The following ROR1 variants were observed in gnomAD, a reference collection of about 807,000 sequenced individuals.
ROR1 encodes the protein inactive tyrosine-protein kinase transmembrane receptor ROR1.
Under a neutral mutation model 78.8 loss-of-function variants are expected in ROR1, and 19 were observed. The observed-to-expected ratio is 0.24, with a 90% confidence interval of 0.17 to 0.35. The LOEUF is 0.35. Among genes scored for constraint, ROR1 ranks in the 10% least tolerant of loss-of-function variants. ROR1 has a pLI of 1.00. For synonymous variants in ROR1, 386 were observed against 433.6 expected (o/e 0.89, Z 1.36); for missense variants, 917 against 1,177.8 (o/e 0.78, Z 3.24).
At chr1:64,109,850 A>G (rs1430503935) in intron 4 of ROR1, among the ~76,000 whole-genome samples, 2 of 151,922 alleles carry the variant, frequency 1.3e-5, no homozygotes, top group Non-Finnish European at 2.9e-5. Context: ...CTTTTATTAT[A>G]TGGTAGGGTG....
In ROR1 at chr1:63,952,340, A is replaced by G. The variant is rs550622845; in HGVS notation, c.92-56965A>G. 3.3e-5 allele frequency among the ~76,000 whole-genome samples: 5 copies of G among 152,314 alleles called. No individual in the cohort carries two copies. The East Asian group carries it at 7.7e-4, about 24-fold the overall frequency. ...TGAGAAAAGCAGAACTAGGTGATGGAGGACCTAGGTAAGGAATTTGGATTT... is the reference window on the plus strand; with the variant it reads ...TGAGAAAAGCAGAACTAGGTGATGGGGGACCTAGGTAAGGAATTTGGATTT... On this transcript the variant is annotated intron_variant, in intron 1 of 8. Coordinates refer to ENST00000371079, the MANE Select transcript of ROR1 (RefSeq NM_005012.4).
At chr1:63,979,101 T>A (rs1211338613) in intron 1 of ROR1, among the ~76,000 whole-genome samples, 1 of 152,184 alleles carries the variant, frequency 6.6e-6, no homozygotes, top group African/African-American at 2.4e-5. Flanking sequence ...ATTCAGAACC[T>A]ACCCATTTAC....
At chr1:63,800,038 G>A (rs1446606303) in intron 1 of ROR1, among the ~76,000 whole-genome samples, 2 of 152,192 alleles carry the variant, frequency 1.3e-5, no homozygotes, top group Non-Finnish European at 2.9e-5. Flanking sequence ...ACGAAGGCAG[G>A]CTTGTGAATA....
intron 4 of ROR1, among the ~76,000 whole-genome samples, chr1:64,126,234 G>A (rs1461346687): frequency 1.3e-5 from 2 of 152,174 alleles, no homozygotes; most frequent in African/African-American, 4.8e-5. Context: ...TTAATACCAG[G>A]ACCTGAGAAC....
chr1:64,145,752 C>T (rs557804543), intron 7 of ROR1, among the ~76,000 whole-genome samples: 2 of 152,174 alleles, frequency 1.3e-5, no homozygotes, highest in Non-Finnish European at 2.9e-5. Context: ...TGAGAGTCTG[C>T]AAGAGAGTCC....
At chr1:63,828,455 A>G (rs551156496) in intron 1 of ROR1, among the ~76,000 whole-genome samples, 34 of 152,298 alleles carry the variant, frequency 2.2e-4, no homozygotes, top group South Asian at 2.1e-3. Flanking sequence ...CACTGTTTAT[A>G]TATAGAGGAT....
At position 63,774,604 on chromosome 1, in the gene ROR1, G is replaced by A. The variant is rs1326884444; in HGVS notation, c.91+96G>A. Reference sequence around the variant, plus strand: ...GGGCGCGGGACACGCAGGAAGCGCCGCGCTGGCTCCGGGGCGCGTCCGGCC... The same window carrying A: ...GGGCGCGGGACACGCAGGAAGCGCCACGCTGGCTCCGGGGCGCGTCCGGCC... On this transcript the variant is annotated intron_variant, in intron 1 of 8. Coordinates refer to ENST00000371079, the MANE Select transcript of ROR1 (RefSeq NM_005012.4). The surrounding 1 kb of genome is among the most constrained non-coding windows in gnomAD (Gnocchi z 5.7). 3.3e-5 allele frequency: 21 copies of A among 634,976 alleles called. No individual in the cohort carries two copies. The African/African-American group carries it at 4.3e-4, about 13-fold the overall frequency. 39.3% of individuals were successfully genotyped at this position (634,976 alleles called of 1,614,324 possible). A position where few individuals can be genotyped will look rare whatever the true frequency, so the allele number is the denominator to read the frequency against.
chr1:63,905,279 T>A (rs1645519640), intron 1 of ROR1, among the ~76,000 whole-genome samples: 1 of 152,210 alleles, frequency 6.6e-6, no homozygotes, highest in Admixed American at 6.5e-5. Context: ...ACAAACTATT[T>A]GTTGATTTTA....
intron 1 of ROR1, among the ~76,000 whole-genome samples, chr1:63,840,764 G>A (rs994936757): frequency 3.3e-5 from 5 of 152,164 alleles, no homozygotes; most frequent in Non-Finnish European, 5.9e-5. Flanking sequence ...CAGACAGACT[G>A]GGTTTATTTC....
chr1:64,121,734 C>T (rs745605534), intron 4 of ROR1, among the ~76,000 whole-genome samples: 6 of 152,132 alleles, frequency 3.9e-5, no homozygotes, highest in Non-Finnish European at 8.8e-5. Flanking sequence ...CTCTGTTGCC[C>T]AGCCCTTGGT....
intron 2 of ROR1, among the ~76,000 whole-genome samples, chr1:64,018,908 C>T (rs1475335925): frequency 6.6e-6 from 1 of 152,050 alleles, no homozygotes; most frequent in East Asian, 1.9e-4. Context: ...CAGGCTAGAC[C>T]CTATTCCCCT....
chr1:64,132,867 C>T (rs748054621), intron 4 of ROR1, among the ~76,000 whole-genome samples: 3 of 151,218 alleles, frequency 2.0e-5, no homozygotes, highest in Non-Finnish European at 4.4e-5. Context: ...ATCGGTTCAG[C>T]TATGTCTGCC....
chr1:63,831,372 T>C (rs1032876282), intron 1 of ROR1, among the ~76,000 whole-genome samples: 3 of 152,250 alleles, frequency 2.0e-5, no homozygotes, highest in Non-Finnish European at 2.9e-5. Context: ...GACATTTCCA[T>C]AGATCCTCTG....
intron 7 of ROR1, among the ~76,000 whole-genome samples, chr1:64,151,660 G>T (rs1007114588): frequency 1.3e-5 from 2 of 151,316 alleles, no homozygotes; most frequent in African/African-American, 4.9e-5. Context: ...ATCATTTAAG[G>T]TCAGGAGTTC....
intron 1 of ROR1, among the ~76,000 whole-genome samples, chr1:63,831,556 C>T (rs1394767189): frequency 6.6e-6 from 1 of 152,180 alleles, no homozygotes; most frequent in Non-Finnish European, 1.5e-5. Context: ...CTCAAGGTGC[C>T]ATGTCCTGAG....
intron 1 of ROR1, among the ~76,000 whole-genome samples, chr1:63,827,553 A>G (rs1644961756): frequency 6.6e-6 from 1 of 152,170 alleles, no homozygotes; most frequent in Admixed American, 6.5e-5. Flanking sequence ...GTAAACTGGA[A>G]GCATTCTGCT....
intron 1 of ROR1, among the ~76,000 whole-genome samples, chr1:63,860,588 C>CACACACAT (rs1553138051): frequency 0.017 from 2,539 of 145,462 alleles, 86 homozygotes; most frequent in African/African-American, 0.062. Context: ...CACACACACA[C>CACACACAT]ACACACACAC....
intron 3 of ROR1, 109 bp downstream of exon 3, chr1:64,050,087 C>A (rs944237301): frequency 8.0e-7 from 1 of 1,250,822 alleles, no homozygotes. Flanking sequence ...TGAGAATGTA[C>A]TCTGTGCCCA....
intron 4 of ROR1, among the ~76,000 whole-genome samples, chr1:64,059,590 TC>T (rs1369831988): frequency 4.0e-5 from 6 of 151,514 alleles, no homozygotes; most frequent in African/African-American, 1.5e-4. Context: ...GCGCCTGTAA[TC>T]CCAGCTACTC....
Sources: allele counts gnomAD v4.1 joint callset (sites outside exome capture counted in the v4.1 genomes callset), GRCh38; gene constraint gnomAD v4.1.1; non-coding constraint Gnocchi (gnomAD v3.1); transcripts MANE v1.5; gene names NCBI Gene and HGNC (gene_info 2026-07-23, HGNC 2026-07-21).